The following STX18 variants were observed in gnomAD, a reference collection of about 807,000 sequenced individuals.
STX18 encodes the protein syntaxin 18, also known as syntaxin-18.
In STX18, 40 loss-of-function variants were observed where a neutral mutation model predicts 50.1. The observed-to-expected ratio is 0.80, with a 90% CI of 0.62 to 1.04. The LOEUF is 1.04. STX18 is among the 50% of genes least tolerant of loss of function. The pLI is 0.00. For missense variants in STX18, 410 were observed against 415.8 expected (o/e 0.99, Z 0.12); for synonymous variants, 158 against 151.8 (o/e 1.04, Z -0.30).
chr4:4,437,320 A>C (rs529632043), intron 6 of STX18, among the ~76,000 whole-genome samples: 1 of 152,194 alleles, frequency 6.6e-6, no homozygotes, highest in Non-Finnish European at 1.5e-5. Context: ...CTCTTGAGGT[A>C]CTACTTACTT....
intron 1 of STX18, among the ~76,000 whole-genome samples, chr4:4,474,874 A>G (rs1226354365): frequency 2.6e-5 from 4 of 152,230 alleles, no homozygotes; most frequent in Non-Finnish European, 5.9e-5. Context: ...TTATAGAACT[A>G]TAAGATAATA....
At chr4:4,436,591 C>T (rs1224493027) in intron 6 of STX18, among the ~76,000 whole-genome samples, 1 of 152,212 alleles carries the variant, frequency 6.6e-6, no homozygotes, top group Non-Finnish European at 1.5e-5. Context: ...TAGCAGAACT[C>T]ACACTCTACA....
intron 5 of STX18, among the ~76,000 whole-genome samples, chr4:4,445,679 T>C (rs969182191): frequency 1.3e-5 from 2 of 151,820 alleles, no homozygotes; most frequent in Non-Finnish European, 2.9e-5. Flanking sequence ...AAAAAGAAAT[T>C]TAAAAATAAA....
Position 4,419,763 on chromosome 4 carries a change from TC to T in STX18, c.*270del. ...GTTCAAGGAGCAGCTAATCACCCAC[TC>T]CTGCATTCAGTCTGTCTTGCCTGAT... On this transcript the variant is annotated 3_prime_UTR_variant, in exon 11 of 11. Coordinates refer to ENST00000306200, the MANE Select transcript of STX18 (RefSeq NM_016930.4). 8.7e-6 allele frequency: 3 copies of T among 343,634 alleles called. No homozygotes were observed. Among genetic ancestry groups the T allele is most frequent in the Non-Finnish European group, 1.6e-5 (3 of 184,736 alleles). 21.3% of individuals were successfully genotyped at this position (343,634 alleles called of 1,614,324 possible).
chr4:4,523,384 T>C (rs1038842736), intron 1 of STX18, among the ~76,000 whole-genome samples: 5 of 152,212 alleles, frequency 3.3e-5, no homozygotes, highest in Admixed American at 2.6e-4. Context: ...TCAATCTCCA[T>C]TTACATTCTG....
At chr4:4,532,084 A>G (rs1731121944) in intron 1 of STX18, among the ~76,000 whole-genome samples, 1 of 152,202 alleles carries the variant, frequency 6.6e-6, no homozygotes, top group Non-Finnish European at 1.5e-5. Flanking sequence ...AATTTCCAAA[A>G]TACATTGTTT....
chr4:4,508,698 C>T (rs1729853985), intron 1 of STX18, among the ~76,000 whole-genome samples: 1 of 152,180 alleles, frequency 6.6e-6, no homozygotes, highest in East Asian at 1.9e-4. Flanking sequence ...CTTCCTGATG[C>T]TCTCCCTCTC....
chr4:4,444,613 G>A (rs1419579439), intron 5 of STX18, among the ~76,000 whole-genome samples: 2 of 152,198 alleles, frequency 1.3e-5, no homozygotes, highest in African/African-American at 4.8e-5. Context: ...TTTGCCCTAT[G>A]TGCCTTTTAG....
chr4:4,477,072 C>CAACAA (rs779200136), intron 1 of STX18, among the ~76,000 whole-genome samples: 59 of 151,806 alleles, frequency 3.9e-4, no homozygotes, highest in African/African-American at 1.4e-3. Flanking sequence ...AAAACCAAAA[C>CAACAA]AACAAAACAA....
In STX18 at chr4:4,420,197, C is replaced by A. The variant is rs1383432474; in HGVS notation, c.913-68G>T. 8 of 1,248,648 alleles carry A rather than the reference C, an allele frequency of 6.4e-6. No homozygotes were observed. In the East Asian group the frequency reaches 2.0e-4, roughly 31 times the overall value. The allele number at this position is 1,248,648 out of a possible 1,614,324, so 77.3% of individuals were successfully genotyped here. A position where few individuals can be genotyped will look rare whatever the true frequency, so the allele number is the denominator to read the frequency against. ...TTTGGTTTGAGCAGCCCTGAAATGC[C>A]CCCCTCTTCCCACGTGCTCTCCTGA... On this transcript the variant is annotated intron_variant, in intron 10 of 10. Coordinates refer to ENST00000306200, the MANE Select transcript of STX18 (RefSeq NM_016930.4). This position sits in a 1 kb window ranked among gnomAD's most constrained non-coding sequence, Gnocchi z 4.3.
At chr4:4,446,305 A>C (rs1726406273) in intron 5 of STX18, among the ~76,000 whole-genome samples, 1 of 152,190 alleles carries the variant, frequency 6.6e-6, no homozygotes, top group Non-Finnish European at 1.5e-5. Flanking sequence ...TAGACAAAGT[A>C]AAAATTAATA....
At chr4:4,503,250 G>T (rs1729539079) in intron 1 of STX18, among the ~76,000 whole-genome samples, 1 of 152,126 alleles carries the variant, frequency 6.6e-6, no homozygotes, top group African/African-American at 2.4e-5. Flanking sequence ...ACTAAGAAAT[G>T]AAAGTTAAGA....
Position 4,484,024 on chromosome 4 carries a change from G to T in STX18, c.169-12318C>A, listed in dbSNP as rs1323067237. On this transcript the variant is annotated intron_variant, in intron 1 of 10. Transcript: ENST00000306200. ...CTACAGGTGCGTGCCACCATGCCCA[G>T]CTAATTTTTTTGTATTTTTAGTAGA... Among the ~76,000 whole-genome samples the T allele has an allele frequency of 2.0e-5, 3 of 151,748 alleles. No individual in the cohort carries two copies. In the East Asian group the frequency reaches 5.8e-4, roughly 29 times the overall value.
intron 5 of STX18, among the ~76,000 whole-genome samples, chr4:4,451,825 G>T (rs546768103): frequency 1.3e-5 from 2 of 152,052 alleles, no homozygotes; most frequent in Non-Finnish European, 1.5e-5. Context: ...ACCCAGCAGC[G>T]GCCTCTAAGT....
At chr4:4,473,653 A>G (rs947036023) in intron 1 of STX18, among the ~76,000 whole-genome samples, 3 of 152,148 alleles carry the variant, frequency 2.0e-5, no homozygotes, top group Admixed American at 2.0e-4. Flanking sequence ...CAAGGTGTTC[A>G]TTCCATCACA....
At chr4:4,471,380 A>G (rs538823559) in intron 2 of STX18, among the ~76,000 whole-genome samples, 1 of 152,324 alleles carries the variant, frequency 6.6e-6, no homozygotes, top group East Asian at 1.9e-4. Flanking sequence ...GTACTCATGG[A>G]GTTTCATTTG....
chr4:4,422,264 A>T (rs566148665), intron 9 of STX18, among the ~76,000 whole-genome samples: 2 of 152,304 alleles, frequency 1.3e-5, no homozygotes, highest in African/African-American at 4.8e-5. Flanking sequence ...ATTGTTCCTC[A>T]GGACTTAGGA....
intron 1 of STX18, among the ~76,000 whole-genome samples, chr4:4,537,498 G>A (rs1731397213): frequency 6.6e-6 from 1 of 152,108 alleles, no homozygotes; most frequent in Admixed American, 6.5e-5. Context: ...AATGACTACT[G>A]TAAGAGAGAG....
chr4:4,436,376 G>A (rs1725774704), intron 6 of STX18, among the ~76,000 whole-genome samples: 2 of 152,044 alleles, frequency 1.3e-5, no homozygotes, highest in African/African-American at 4.8e-5. Context: ...GACATTCTTT[G>A]GGTAGGAACA....
Sources: gnomAD v4.1 joint callset for allele counts (sites outside exome capture counted in the v4.1 genomes callset) on GRCh38, gnomAD v4.1.1 for gene constraint, Gnocchi (gnomAD v3.1) non-coding constraint, MANE v1.5 for transcripts, NCBI Gene and HGNC (gene_info 2026-07-23, HGNC 2026-07-21) for gene names.